The following RPS6KC1 variants were observed in gnomAD, a reference collection of about 807,000 sequenced individuals.
RPS6KC1 encodes ribosomal protein S6 kinase C1, also known as inactive ribosomal protein S6 kinase delta-1.
In RPS6KC1, 54 loss-of-function variants were observed where a neutral mutation model predicts 103.8. The observed-to-expected ratio is 0.52, with a 90% CI of 0.42 to 0.65. The LOEUF is 0.65. Among genes scored for constraint, RPS6KC1 ranks in the 30% least tolerant of loss-of-function variants. The pLI is 0.00. For synonymous variants in RPS6KC1, 439 were observed against 438.7 expected, an observed-to-expected ratio of 1.00 and a Z score of -0.01; for missense variants, 1,151 against 1,253.8, an observed-to-expected ratio of 0.92 and a Z score of 1.24.
the RPS6KC1 span, among the ~76,000 whole-genome samples, chr1:213,391,012 T>C: frequency 2.6e-5 from 4 of 152,168 alleles, no homozygotes; most frequent in African/African-American, 7.2e-5. Flanking sequence ...TCTAGTTTTT[T>C]TTCCCCCCAT....
chr1:213,704,706 T>G, the RPS6KC1 span, among the ~76,000 whole-genome samples: 1 of 152,346 alleles, frequency 6.6e-6, no homozygotes, highest in East Asian at 1.9e-4. Context: ...TTTGTGTCTG[T>G]AGTGAAGAGT....
At chr1:213,244,910 T>G (rs555876974) in intron 12 of RPS6KC1, among the ~76,000 whole-genome samples, 12 of 152,344 alleles carry the variant, frequency 7.9e-5, no homozygotes, top group Admixed American at 3.9e-4. Context: ...CCAAGCTTTG[T>G]GAGTTGCAAA....
chr1:213,646,889 A>G, the RPS6KC1 span, among the ~76,000 whole-genome samples: 2 of 150,354 alleles, frequency 1.3e-5, no homozygotes, highest in Non-Finnish European at 2.9e-5. Flanking sequence ...ATGCATATAT[A>G]TATATATATT....
intron 1 of RPS6KC1, among the ~76,000 whole-genome samples, chr1:213,053,216 G>T (rs577472213): frequency 6.6e-6 from 1 of 152,140 alleles, no homozygotes; most frequent in Non-Finnish European, 1.5e-5. Context: ...TTCAACATAC[G>T]TAATGTTTCT....
At chr1:213,524,438 G>C in the RPS6KC1 span, among the ~76,000 whole-genome samples, 1 of 151,254 alleles carries the variant, frequency 6.6e-6, no homozygotes, top group Non-Finnish European at 1.5e-5. Context: ...TGAGCCTCTG[G>C]CTCAGCAGAT....
At chr1:213,392,617 C>G in the RPS6KC1 span, among the ~76,000 whole-genome samples, 1 of 152,210 alleles carries the variant, frequency 6.6e-6, no homozygotes, top group Admixed American at 6.5e-5. Context: ...AAAGCCACAT[C>G]TTATGCATCT....
chr1:213,362,253 T>C, the RPS6KC1 span, among the ~76,000 whole-genome samples: 11 of 152,318 alleles, frequency 7.2e-5, no homozygotes, highest in Non-Finnish European at 1.5e-4. Context: ...ATTTATGCTA[T>C]GCTTGGAAGA....
intron 1 of RPS6KC1, among the ~76,000 whole-genome samples, chr1:213,068,871 A>G (rs965644524): frequency 7.5e-5 from 7 of 93,738 alleles, no homozygotes; most frequent in Admixed American, 1.4e-4. Flanking sequence ...AAAAGTGTAT[A>G]TATGTGTGTG....
the RPS6KC1 span, among the ~76,000 whole-genome samples, chr1:213,528,367 G>A: frequency 6.6e-6 from 1 of 152,090 alleles, no homozygotes. Context: ...GAACAGCATG[G>A]AGGTAACCAC....
the RPS6KC1 span, among the ~76,000 whole-genome samples, chr1:213,653,225 G>T: frequency 1.3e-5 from 2 of 152,150 alleles, no homozygotes; most frequent in African/African-American, 4.8e-5. Flanking sequence ...TTGGGAGGTC[G>T]AGACGGGCAG....
chr1:213,150,937 A>AG (rs1285454764), intron 6 of RPS6KC1, among the ~76,000 whole-genome samples: 3 of 140,778 alleles, frequency 2.1e-5, no homozygotes, highest in African/African-American at 8.0e-5. Context: ...CTGGCCGGGC[A>AG]GGGGGGCTGA....
intron 3 of RPS6KC1, among the ~76,000 whole-genome samples, chr1:213,091,250 C>T (rs1467219263): frequency 1.3e-5 from 2 of 151,898 alleles, no homozygotes; most frequent in African/African-American, 2.4e-5. Context: ...TTAGTAGAGA[C>T]GGAGTTTCAC....
the RPS6KC1 span, among the ~76,000 whole-genome samples, chr1:213,579,841 G>A: frequency 6.6e-6 from 1 of 152,014 alleles, no homozygotes; most frequent in Admixed American, 6.5e-5. Flanking sequence ...AATATTTTAA[G>A]TCTACGTTCG....
At chr1:213,509,750 C>T in the RPS6KC1 span, among the ~76,000 whole-genome samples, 16 of 152,202 alleles carry the variant, frequency 1.1e-4, no homozygotes, top group African/African-American at 3.6e-4. Context: ...TTCTCCCCTG[C>T]AGCAGACACA....
chr1:213,062,848 C>T (rs189526679), intron 1 of RPS6KC1, among the ~76,000 whole-genome samples: 18 of 152,244 alleles, frequency 1.2e-4, no homozygotes, highest in African/African-American at 3.6e-4. Context: ...CCATCGCATC[C>T]GGGCAAGAGA....
At chr1:213,627,216 C>T in the RPS6KC1 span, among the ~76,000 whole-genome samples, 14 of 151,666 alleles carry the variant, frequency 9.2e-5, no homozygotes, top group South Asian at 2.3e-3. Flanking sequence ...GTCATGATTT[C>T]GCTCTCTGTC....
At chr1:213,288,088 A>G in the RPS6KC1 span, among the ~76,000 whole-genome samples, 1 of 152,212 alleles carries the variant, frequency 6.6e-6, no homozygotes, top group Non-Finnish European at 1.5e-5. Context: ...GGATGATCCT[A>G]ATGGTTGGTG....
At chr1:213,710,286 T>C in the RPS6KC1 span, among the ~76,000 whole-genome samples, 310 of 152,320 alleles carry the variant, frequency 2.0e-3, 2 homozygotes, top group Middle Eastern at 0.01. Flanking sequence ...TCTTTGTCTT[T>C]TTTTATCTTC....
At chr1:213,255,707 C>G (rs377664778) in intron 12 of RPS6KC1, among the ~76,000 whole-genome samples, 1 of 152,098 alleles carries the variant, frequency 6.6e-6, no homozygotes, top group Non-Finnish European at 1.5e-5. Context: ...AAAAGGGCAA[C>G]CAAATAAAGT....
Sources: gnomAD v4.1 joint callset for allele counts (sites outside exome capture counted in the v4.1 genomes callset) on GRCh38, gnomAD v4.1.1 for gene constraint, MANE v1.5 for transcripts, NCBI Gene and HGNC (gene_info 2026-07-23, HGNC 2026-07-21) for gene names.